SLCO3A1: variants seen among roughly 807,000 people sequenced by gnomAD.
SLCO3A1 encodes the protein PGE1 transporter.
A neutral mutation model predicts 63.1 loss-of-function variants in SLCO3A1; 27 were observed. The observed-to-expected ratio is 0.43, with a 90% confidence interval of 0.32 to 0.59. The LOEUF (loss-of-function observed/expected upper bound fraction) is 0.59. SLCO3A1 is among the 20% of genes least tolerant of loss of function. The pLI is 0.09. For synonymous variants in SLCO3A1, 473 were observed against 409.9 expected, an observed-to-expected ratio of 1.15 and a Z score of -1.86; for missense variants, 773 against 945.8, an observed-to-expected ratio of 0.82 and a Z score of 2.40.
At chr15:92,112,033 G>A (rs766226105) in intron 4 of SLCO3A1, among the ~76,000 whole-genome samples, 5 of 152,176 alleles carry the variant, frequency 3.3e-5, no homozygotes, top group Admixed American at 6.5e-5. Context: ...AGTAGAAAGT[G>A]GAAAGGCTCA....
chr15:92,010,527 T>G (rs1397082663), intron 2 of SLCO3A1, among the ~76,000 whole-genome samples: 1 of 152,222 alleles, frequency 6.6e-6, no homozygotes, highest in African/African-American at 2.4e-5. Flanking sequence ...TGTTAGTATA[T>G]AATAATAAAT....
intron 2 of SLCO3A1, among the ~76,000 whole-genome samples, chr15:91,963,844 A>C (rs2151423374): frequency 6.6e-6 from 1 of 152,238 alleles, no homozygotes; most frequent in Admixed American, 6.5e-5. Flanking sequence ...GAGCGAAAGA[A>C]CAAAGCTTCC....
At chr15:92,119,078 A>T (rs371562616) in intron 4 of SLCO3A1, among the ~76,000 whole-genome samples, 2 of 151,708 alleles carry the variant, frequency 1.3e-5, no homozygotes, top group Admixed American at 6.6e-5. Context: ...TATTAAAATC[A>T]TGGCACAAAT....
chr15:91,895,210 G>C lies in SLCO3A1; in HGVS notation c.181-20783G>C, dbSNP rs1243664030. 2.6e-5 allele frequency among the ~76,000 whole-genome samples: 4 copies of C among 152,192 alleles called. No individual in the cohort carries two copies. In the East Asian group the frequency reaches 7.7e-4, roughly 29 times the overall value. On this transcript the variant is annotated intron_variant, in intron 1 of 9. Coordinates refer to ENST00000318445, the MANE Select transcript of SLCO3A1 (RefSeq NM_013272.4). ...GACTCCCTGTGTGTAAGAACCCTGT[G>C]CTAGTAACACAGTGCACTTTCTTGG...
intron 2 of SLCO3A1, among the ~76,000 whole-genome samples, chr15:92,060,172 G>A (rs2047069281): frequency 6.6e-6 from 1 of 152,156 alleles, no homozygotes; most frequent in Non-Finnish European, 1.5e-5. Context: ...GTGAGTGAGT[G>A]GTGAGTGAAT....
At position 92,165,153 on chromosome 15, in the gene SLCO3A1, A is replaced by G. The variant is rs1033810265; in HGVS notation, c.*2018A>G. The G allele has an allele frequency of 4.1e-6, 4 of 985,346 alleles. No individual in the cohort carries two copies. In the African/African-American group the frequency reaches 5.2e-5, roughly 13 times the overall value. 61.0% of individuals were successfully genotyped at this position (985,346 alleles called of 1,614,324 possible). A position where few individuals can be genotyped will look rare whatever the true frequency, so the allele number is the denominator to read the frequency against. On this transcript the variant is annotated 3_prime_UTR_variant, in exon 10 of 10. Coordinates refer to ENST00000318445, the MANE Select transcript of SLCO3A1 (RefSeq NM_013272.4). ...AGAAGGCACTCAGCAAGACCAACCA[A>G]AAGAAAAGCTGTGTCGTGGTATGGG...
chr15:91,898,245 A>T (rs72750067), intron 1 of SLCO3A1, among the ~76,000 whole-genome samples: 10,025 of 152,312 alleles, frequency 0.066, 471 homozygotes, highest in Non-Finnish European at 0.1. Context: ...TCACTGAGGT[A>T]AAGAAGGCCT....
At chr15:92,058,955 G>C (rs1455476105) in intron 2 of SLCO3A1, among the ~76,000 whole-genome samples, 1 of 152,162 alleles carries the variant, frequency 6.6e-6, no homozygotes, top group South Asian at 2.1e-4. Flanking sequence ...ATTGTATTTA[G>C]AGCCTATCCT....
At chr15:92,030,400 A>T (rs1319609934) in intron 2 of SLCO3A1, among the ~76,000 whole-genome samples, 1 of 152,112 alleles carries the variant, frequency 6.6e-6, no homozygotes, top group Admixed American at 6.6e-5. Context: ...GTGGGGAAGG[A>T]TGGTGGTGGT....
chr15:91,967,623 T>C lies in SLCO3A1; in HGVS notation c.646+51165T>C, dbSNP rs530244542. Among the ~76,000 whole-genome samples the C allele has an allele frequency of 4.6e-5, 7 of 152,346 alleles. 1 individual carries two copies. The highest frequency in any genetic ancestry group is 1.4e-4 in the African/African-American group (6 of 41,574). On this transcript the variant is annotated intron_variant, in intron 2 of 9. Transcript: ENST00000318445. The surrounding 1 kb of genome is among the most constrained non-coding windows in gnomAD (Gnocchi z 4.4). The stretch of plus-strand genomic sequence containing the variant: ...CACAGATAATCCCATATGAAATAAA[T>C]TAAACCCGTTTTACAGATGGATTAA...
intron 4 of SLCO3A1, among the ~76,000 whole-genome samples, chr15:92,113,046 G>C (rs930378776): frequency 1.3e-5 from 2 of 152,182 alleles, no homozygotes; most frequent in African/African-American, 4.8e-5. Context: ...GCAGTTGTTT[G>C]CTTACAAAAG....
intron 2 of SLCO3A1, among the ~76,000 whole-genome samples, chr15:92,007,515 T>C (rs1038834828): frequency 6.6e-6 from 1 of 152,100 alleles, no homozygotes; most frequent in Admixed American, 6.5e-5. Flanking sequence ...ATAGGGATAG[T>C]GTGGAAGGAG....
rs963640823 is a variant in SLCO3A1, at chr15:92,133,622, G to A, written c.1512+5133G>A. Among the ~76,000 whole-genome samples, 3 of 145,178 alleles carry A rather than the reference G, an allele frequency of 2.1e-5. 1 individual carries two copies. The highest frequency in any genetic ancestry group is 4.6e-5 in the Non-Finnish European group (3 of 64,928). ...CATGAACTTACTGTGAACTGCGCACGCGAGGGATCTAGGGTGCGTGTGCCT... is the reference window on the plus strand; with the variant it reads ...CATGAACTTACTGTGAACTGCGCACACGAGGGATCTAGGGTGCGTGTGCCT... On this transcript the variant is annotated intron_variant, in intron 7 of 9. Coordinates refer to ENST00000318445, the MANE Select transcript of SLCO3A1 (RefSeq NM_013272.4).
chr15:91,957,969 A>G (rs925014322), intron 2 of SLCO3A1, among the ~76,000 whole-genome samples: 2 of 152,126 alleles, frequency 1.3e-5, no homozygotes, highest in African/African-American at 4.8e-5. Context: ...GTCTCCATAT[A>G]CATTTGATCC....
In SLCO3A1 at chr15:92,089,366, A is replaced by G. The variant is rs189833585; in HGVS notation, c.647-5515A>G. On this transcript the variant is annotated intron_variant, in intron 2 of 9. Coordinates refer to ENST00000318445, the MANE Select transcript of SLCO3A1 (RefSeq NM_013272.4). ...AAGTTCATCTGACACTGCGTGGCAC[A>G]TGGTGTGGAGGACTCGGTGCAGGGT... Among the ~76,000 whole-genome samples the G allele has an allele frequency of 1.2e-3, 189 of 152,288 alleles. 1 individual carries two copies. The highest frequency in any genetic ancestry group is 6.1e-3 in the Admixed American group (93 of 15,306).
rs968304803 is a variant in SLCO3A1 at position 91,860,710 on chromosome 15, G to A, written c.180+6622G>A. Among the ~76,000 whole-genome samples the A allele has an allele frequency of 1.3e-5, 2 of 152,214 alleles. No homozygotes were observed. Among genetic ancestry groups the A allele is most frequent in the Non-Finnish European group, 2.9e-5 (2 of 68,026 alleles). ...GTTGTGGACATATGCTGCCCTCCAG[G>A]CAGCCTTGTTTAAAACGTGCCTTCG... On this transcript the variant is annotated intron_variant, in intron 1 of 9. Transcript: ENST00000318445. This position sits in a 1 kb window ranked among gnomAD's most constrained non-coding sequence, Gnocchi z 5.5.
At chr15:92,105,533 G>A (rs542661382) in intron 4 of SLCO3A1, among the ~76,000 whole-genome samples, 4 of 152,276 alleles carry the variant, frequency 2.6e-5, no homozygotes, top group Non-Finnish European at 2.9e-5. Flanking sequence ...CGCCCAAGTT[G>A]TTTCCATCTT....
At chr15:91,995,944 T>G (rs2046187137) in intron 2 of SLCO3A1, among the ~76,000 whole-genome samples, 1 of 152,162 alleles carries the variant, frequency 6.6e-6, no homozygotes, top group African/African-American at 2.4e-5. Context: ...AATATCATAC[T>G]TAATTGTGAA....
chr15:91,905,855 A>AC (rs11428346), intron 1 of SLCO3A1, among the ~76,000 whole-genome samples: 112,917 of 152,086 alleles, frequency 0.74, 43,251 homozygotes, highest in East Asian at 0.97. Context: ...ACTTATCGTT[A>AC]TTTTTAGGGC....
Sources: allele counts gnomAD v4.1 joint callset (sites outside exome capture counted in the v4.1 genomes callset), GRCh38; gene constraint gnomAD v4.1.1; non-coding constraint Gnocchi (gnomAD v3.1); transcripts MANE v1.5; gene names NCBI Gene and HGNC (gene_info 2026-07-23, HGNC 2026-07-21).